Variants in ASTN1 observed in about 807,000 individuals in gnomAD.
The protein encoded by ASTN1 is astrotactin 1.
Under a neutral mutation model 140.7 loss-of-function variants are expected in ASTN1, and 41 were observed. That is an observed-to-expected ratio of 0.29 (90% confidence interval 0.23 to 0.38). ASTN1 has a LOEUF of 0.38. ASTN1 is among the 10% of genes least tolerant of loss of function. ASTN1 has a pLI of 1.00. For missense variants in ASTN1, 1,479 were observed against 1,678.8 expected (o/e 0.88, Z 2.08); for synonymous variants, 640 against 652.2 (o/e 0.98, Z 0.29).
chr1:176,880,819 G>A (rs1325337071), intron 20 of ASTN1, among the ~76,000 whole-genome samples: 1 of 152,144 alleles, frequency 6.6e-6, no homozygotes, highest in Non-Finnish European at 1.5e-5. Flanking sequence ...AACTAGCTGT[G>A]TGATTCTGGG....
At chr1:177,157,157 A>G (rs1683273852) in intron 1 of ASTN1, among the ~76,000 whole-genome samples, 1 of 152,228 alleles carries the variant, frequency 6.6e-6, no homozygotes, top group Non-Finnish European at 1.5e-5. Flanking sequence ...AAAATCATGG[A>G]TCAACCTTGG....
Position 176,922,556 on chromosome 1 carries a change from C to CAAAAA in ASTN1, c.2671+11591_2671+11595dup, listed in dbSNP as rs71129589. ...ACAGTGTCCACTCCAGCCCCCACTG[C>CAAAAA]AAAAAAAAAAAAAAAAAAAAAAAAA... On this transcript the variant is annotated intron_variant, in intron 16 of 22. Coordinates refer to ENST00000361833, the MANE Select transcript of ASTN1 (RefSeq NM_004319.3). 6.6e-4 allele frequency among the ~76,000 whole-genome samples: 51 copies of CAAAAA among 77,588 alleles called. 1 individual carries two copies. The highest frequency in any genetic ancestry group is 8.1e-3 in the Middle Eastern group (1 of 124). The allele number at this position is 77,588 out of a possible 152,430, so 50.9% of individuals were successfully genotyped here. A position where few individuals can be genotyped will look rare whatever the true frequency, so the allele number is the denominator to read the frequency against.
chr1:177,157,325 T>C (rs1683282776), intron 1 of ASTN1, among the ~76,000 whole-genome samples: 1 of 152,026 alleles, frequency 6.6e-6, no homozygotes, highest in African/African-American at 2.4e-5. Context: ...GTTGTTTGTT[T>C]TGTTTTGTTT....
chr1:177,080,228 C>T (rs1316877197), intron 1 of ASTN1, among the ~76,000 whole-genome samples: 1 of 146,308 alleles, frequency 6.8e-6, no homozygotes, highest in East Asian at 2.0e-4. Flanking sequence ...CTCTTCATTC[C>T]TCCATTTTTT....
intron 7 of ASTN1, among the ~76,000 whole-genome samples, chr1:177,021,878 G>T (rs1399723849): frequency 6.6e-6 from 1 of 152,176 alleles, no homozygotes; most frequent in Non-Finnish European, 1.5e-5. Context: ...CCCCACCTCT[G>T]AGATTAGCTC....
Position 177,146,474 on chromosome 1 carries a change from T to G in ASTN1, c.283+17920A>C, listed in dbSNP as rs77728756. On this transcript the variant is annotated intron_variant, in intron 1 of 22. Coordinates refer to ENST00000361833, the MANE Select transcript of ASTN1 (RefSeq NM_004319.3). ...CATTGTCCATGTTGAGACTTAAACT[T>G]TTTTTATACATGCACAGTTTTGAAA... Among the ~76,000 whole-genome samples the G allele has an allele frequency of 5.8e-3, 882 of 152,326 alleles. 9 individuals carry two copies. The highest frequency in any genetic ancestry group is 0.02 in the African/African-American group (846 of 41,560).
intron 1 of ASTN1, among the ~76,000 whole-genome samples, chr1:177,158,712 T>C (rs1683352778): frequency 6.6e-6 from 1 of 151,496 alleles, no homozygotes; most frequent in South Asian, 2.1e-4. Flanking sequence ...TATGTGTATA[T>C]ATAGTGTGTC....
rs565581891 is a variant in ASTN1 at position 177,087,473 on chromosome 1, C to G, written c.284-26208G>C. On this transcript the variant is annotated intron_variant, in intron 1 of 22. Coordinates refer to ENST00000361833, the MANE Select transcript of ASTN1 (RefSeq NM_004319.3). ...AGCAAGCCATATGCTGAATTCTGCC[C>G]GTTCAGCAAGAGCCTGAACATTATT... is the stretch of plus-strand genomic sequence containing the variant. Among the ~76,000 whole-genome samples the G allele has an allele frequency of 2.6e-5, 4 of 152,244 alleles. No homozygotes were observed. In the East Asian group the frequency reaches 7.7e-4, roughly 29 times the overall value.
chr1:177,069,700 G>T (rs868418976), intron 1 of ASTN1, among the ~76,000 whole-genome samples: 20 of 152,224 alleles, frequency 1.3e-4, no homozygotes, highest in Admixed American at 7.2e-4. Context: ...GCAGCCAAAA[G>T]GTTCTGACAC....
intron 1 of ASTN1, among the ~76,000 whole-genome samples, chr1:177,105,552 T>C (rs1680509649): frequency 6.6e-6 from 1 of 151,952 alleles, no homozygotes; most frequent in Non-Finnish European, 1.5e-5. Context: ...ATTTCAACAC[T>C]ATTAAGACCC....
At chr1:177,136,068 T>C (rs1682180863) in intron 1 of ASTN1, among the ~76,000 whole-genome samples, 1 of 152,202 alleles carries the variant, frequency 6.6e-6, no homozygotes, top group Non-Finnish European at 1.5e-5. Context: ...TTAAGAGAGC[T>C]TGACACTGTG....
At position 177,117,780 on chromosome 1, in the gene ASTN1, C is replaced by A. The variant is rs893091940; in HGVS notation, c.283+46614G>T. On this transcript the variant is annotated intron_variant, in intron 1 of 22. Coordinates refer to ENST00000361833, the MANE Select transcript of ASTN1 (RefSeq NM_004319.3). ...CTCCCAGACTTTGCCTGGGCTGTTT[C>A]TTCAGGCTGTACTGCCCTTCACCTC... Among the ~76,000 whole-genome samples, 12 of 152,162 alleles carry A rather than the reference C, an allele frequency of 7.9e-5. 1 individual carries two copies. The highest frequency in any genetic ancestry group is 8.8e-5 in the Non-Finnish European group (6 of 68,024).
chr1:176,969,118 G>A (rs1370491106), intron 8 of ASTN1, among the ~76,000 whole-genome samples: 1 of 152,128 alleles, frequency 6.6e-6, no homozygotes, highest in Non-Finnish European at 1.5e-5. Flanking sequence ...CTGTATTTGG[G>A]CTTTTTGAGT....
chr1:177,135,287 T>C (rs779845853), intron 1 of ASTN1, among the ~76,000 whole-genome samples: 7 of 151,864 alleles, frequency 4.6e-5, no homozygotes, highest in Admixed American at 2.0e-4. Context: ...GTATATTTGA[T>C]ACTAGATCCT....
chr1:177,049,869 AG>A (rs1171151665), intron 2 of ASTN1, among the ~76,000 whole-genome samples: 1 of 152,144 alleles, frequency 6.6e-6, no homozygotes, highest in East Asian at 1.9e-4. Context: ...TCAGAGGCCG[AG>A]GCTGTTCACT....
chr1:176,918,291 G>A (rs1053597259), intron 16 of ASTN1, among the ~76,000 whole-genome samples: 1 of 151,848 alleles, frequency 6.6e-6, no homozygotes, highest in Non-Finnish European at 1.5e-5. Context: ...AGGGATTTAG[G>A]TACTAGTTGA....
intron 21 of ASTN1, among the ~76,000 whole-genome samples, chr1:176,871,642 G>C (rs1668347927): frequency 6.6e-6 from 1 of 152,186 alleles, no homozygotes; most frequent in Non-Finnish European, 1.5e-5. Context: ...CAGTAAGTCA[G>C]ACGCTGTCTT....
At chr1:177,020,041 A>G (rs904549225) in intron 7 of ASTN1, among the ~76,000 whole-genome samples, 3 of 152,040 alleles carry the variant, frequency 2.0e-5, no homozygotes, top group South Asian at 4.1e-4. Context: ...TTGCACCACC[A>G]TGCCTGTTTA....
intron 8 of ASTN1, among the ~76,000 whole-genome samples, chr1:177,008,175 A>G (rs1675089668): frequency 6.6e-6 from 1 of 152,146 alleles, no homozygotes; most frequent in Admixed American, 6.5e-5. Flanking sequence ...TGCTCACCCA[A>G]GGAAGGGTTT....
Sources: gnomAD v4.1 joint callset for allele counts (sites outside exome capture counted in the v4.1 genomes callset) on GRCh38, gnomAD v4.1.1 for gene constraint, MANE v1.5 for transcripts, NCBI Gene and HGNC (gene_info 2026-07-23, HGNC 2026-07-21) for gene names.